The following ELOVL7 variants were observed in gnomAD, a reference collection of about 807,000 sequenced individuals.
ELOVL7 encodes very long chain fatty acid elongase 7.
ELOVL7 carries 27 observed loss-of-function variants against 35.7 expected under a neutral mutation model. That is an observed-to-expected ratio of 0.76 (90% CI 0.56 to 1.04). The LOEUF is 1.04. Among genes scored for constraint, ELOVL7 ranks in the 50% least tolerant of loss-of-function variants. The pLI is 0.00. For missense variants in ELOVL7, 327 were observed against 340.8 expected (o/e 0.96, Z 0.32); for synonymous variants, 113 against 114.6 (o/e 0.99, Z 0.09).
At chr5:60,755,405 T>C (rs550149583) in intron 8 of ELOVL7, among the ~76,000 whole-genome samples, 1 of 152,272 alleles carries the variant, frequency 6.6e-6, no homozygotes, top group South Asian at 2.1e-4. Context: ...ACGCCTGTAA[T>C]CCCAGCACTT....
Position 60,819,475 on chromosome 5 carries a change from T to C in ELOVL7, c.-85-20245A>G, listed in dbSNP as rs114263110. Among the ~76,000 whole-genome samples the C allele has an allele frequency of 2.2e-3, 341 of 152,196 alleles. 1 individual carries two copies. Among genetic ancestry groups the C allele is most frequent in the African/African-American group, 7.9e-3 (328 of 41,540 alleles). On this transcript the variant is annotated intron_variant, in intron 1 of 8. Coordinates refer to ENST00000508821, the MANE Select transcript of ELOVL7 (RefSeq NM_024930.3). ...TACAAATGAGAGGTGCTAGAATGCA[T>C]AAGTGTTTAAGAACCACGATCATAG...
chr5:60,812,312 A>T (rs1383192875), intron 1 of ELOVL7, among the ~76,000 whole-genome samples: 1 of 152,200 alleles, frequency 6.6e-6, no homozygotes, highest in Non-Finnish European at 1.5e-5. Flanking sequence ...TGTAACAAAG[A>T]GTTTCTTGCT....
intron 1 of ELOVL7, among the ~76,000 whole-genome samples, chr5:60,832,582 T>C (rs1245009284): frequency 6.6e-6 from 1 of 152,116 alleles, no homozygotes; most frequent in African/African-American, 2.4e-5. Context: ...GCCAGGATGG[T>C]CTTGACCTCT....
At position 60,764,231 on chromosome 5, in the gene ELOVL7, A is replaced by C; in HGVS notation, c.495T>G (p.Ala165=). 1.2e-6 allele frequency: 2 copies of C among 1,609,102 alleles called. No individual in the cohort carries two copies. Among genetic ancestry groups the C allele is most frequent in the Non-Finnish European group, 1.7e-6 (2 of 1,175,942 alleles). Residue 165 remains alanine, a synonymous_variant, in exon 7 of 9, where the codon GCT becomes GCG. Coordinates refer to ENST00000508821, the MANE Select transcript of ELOVL7 (RefSeq NM_024930.3). ...TCCCAAATTTCCCTTGTCTACCTGC[A>C]GCAAATTTGACTCCAAACCACCAGG... The part of the protein sequence containing the change: ...PWTWWFGVKF[A]AGGLGTFHAL...
In ELOVL7 at chr5:60,782,453, G is replaced by A. The variant is rs141495922; in HGVS notation, c.64+4881C>T. Among the ~76,000 whole-genome samples, 392 of 152,306 alleles carry A rather than the reference G, an allele frequency of 2.6e-3. 2 individuals are homozygous for A. The highest frequency in any genetic ancestry group is 9.1e-3 in the African/African-American group (379 of 41,556). ...ATTGAAGGGATATCTGCACTCTCATGTTCACTGCAGCATTATTCATAATAG... is the reference window on the plus strand; with the variant it reads ...ATTGAAGGGATATCTGCACTCTCATATTCACTGCAGCATTATTCATAATAG... On this transcript the variant is annotated intron_variant, in intron 3 of 8. Coordinates refer to ENST00000508821, the MANE Select transcript of ELOVL7 (RefSeq NM_024930.3).
intron 3 of ELOVL7, among the ~76,000 whole-genome samples, chr5:60,772,570 T>A (rs1742663315): frequency 6.6e-6 from 1 of 152,198 alleles, no homozygotes; most frequent in African/African-American, 2.4e-5. Flanking sequence ...AAGTTTTGAC[T>A]GTCAGTTGAG....
At chr5:60,822,466 GGGGT>G (rs1745944426) in intron 1 of ELOVL7, among the ~76,000 whole-genome samples, 1 of 152,178 alleles carries the variant, frequency 6.6e-6, no homozygotes, top group South Asian at 2.1e-4. Context: ...AAGACCGAGT[GGGGT>G]TTAATTCCAT....
intron 3 of ELOVL7, among the ~76,000 whole-genome samples, chr5:60,777,064 A>C (rs1160307516): frequency 6.9e-6 from 1 of 145,384 alleles, no homozygotes; most frequent in Non-Finnish European, 1.5e-5. Context: ...GTCCATGGAG[A>C]TAGAGTAGAA....
intron 2 of ELOVL7, among the ~76,000 whole-genome samples, chr5:60,791,044 T>C (rs577086114): frequency 6.6e-6 from 1 of 152,278 alleles, no homozygotes; most frequent in African/African-American, 2.4e-5. Context: ...CTTAGAGAGC[T>C]TGACTCACTG....
At chr5:60,787,514 G>T in intron 2 of ELOVL7, 83 bp from the exon 3 acceptor site, 1 of 733,110 alleles carries the variant, frequency 1.4e-6, no homozygotes, top group Non-Finnish European at 2.1e-6. Flanking sequence ...TATTTAAAAT[G>T]CTAAAAATTT....
chr5:60,773,136 A>G (rs1331187153), intron 3 of ELOVL7, among the ~76,000 whole-genome samples: 3 of 152,210 alleles, frequency 2.0e-5, no homozygotes, highest in African/African-American at 7.2e-5. Context: ...ATGAAATGTG[A>G]TTAAGTCTAT....
chr5:60,770,970 G>A (rs1457857016), intron 4 of ELOVL7, among the ~76,000 whole-genome samples: 1 of 152,176 alleles, frequency 6.6e-6, no homozygotes, highest in Non-Finnish European at 1.5e-5. Flanking sequence ...AAAGTGCTGG[G>A]ATTACAGGTG....
chr5:60,758,053 T>C (rs753124973), intron 7 of ELOVL7, among the ~76,000 whole-genome samples: 5 of 152,182 alleles, frequency 3.3e-5, no homozygotes, highest in Non-Finnish European at 5.9e-5. Context: ...TATACACCCA[T>C]GTCACTACCA....
At chr5:60,841,044 T>C (rs912939540) in intron 1 of ELOVL7, among the ~76,000 whole-genome samples, 6 of 121,954 alleles carry the variant, frequency 4.9e-5, no homozygotes, top group Non-Finnish European at 8.6e-5. Flanking sequence ...TTTTTTTTTT[T>C]AAGACAGAGT....
intron 1 of ELOVL7, among the ~76,000 whole-genome samples, chr5:60,828,580 C>T (rs1746307701): frequency 6.6e-6 from 1 of 151,894 alleles, no homozygotes; most frequent in African/African-American, 2.4e-5. Context: ...ATACTTTTTC[C>T]CTGCGCTAAG....
chr5:60,836,154 T>C (rs1258131451), intron 1 of ELOVL7, among the ~76,000 whole-genome samples: 8 of 151,980 alleles, frequency 5.3e-5, no homozygotes, highest in African/African-American at 1.5e-4. Flanking sequence ...TATATATATA[T>C]ACACATTTTA....
At position 60,754,765 on chromosome 5, in the gene ELOVL7, A is replaced by G. The variant is rs1013600421; in HGVS notation, c.705T>C (p.Phe235=). 9.9e-6 allele frequency: 16 copies of G among 1,614,100 alleles called. No homozygotes were observed. Among genetic ancestry groups the G allele is most frequent in the African/African-American group, 1.3e-5 (1 of 74,940 alleles). The change falls in exon 9 of 9, where the codon TTT becomes TTC. Residue 235 remains phenylalanine, a synonymous_variant. Coordinates refer to ENST00000508821, the MANE Select transcript of ELOVL7 (RefSeq NM_024930.3). The part of the protein sequence containing the change: ...FFFMEDCKYQ[F]PVFACIIMSY... ...TCATAATGATGCACGCAAAGACTGG[A>G]AACTGATACTTGCAATCCTCCATGA...
chr5:60,820,901 G>A (rs147694794), intron 1 of ELOVL7, among the ~76,000 whole-genome samples: 1 of 152,214 alleles, frequency 6.6e-6, no homozygotes, highest in Non-Finnish European at 1.5e-5. Flanking sequence ...AGAAGGAAGT[G>A]AACTAATAAG....
intron 2 of ELOVL7, among the ~76,000 whole-genome samples, chr5:60,797,608 G>A (rs1744342208): frequency 2.0e-5 from 3 of 152,206 alleles, no homozygotes; most frequent in Admixed American, 2.0e-4. Flanking sequence ...AATAAGCCCT[G>A]AGGAAGTGCC....
Sources: allele counts gnomAD v4.1 joint callset (sites outside exome capture counted in the v4.1 genomes callset), GRCh38; gene constraint gnomAD v4.1.1; transcripts MANE v1.5; gene names NCBI Gene and HGNC (gene_info 2026-07-23, HGNC 2026-07-21).